Variants in SHISA9 observed in about 807,000 individuals in gnomAD.
The protein encoded by SHISA9 is shisa family member 9.
A neutral mutation model predicts 38.0 loss-of-function variants in SHISA9; 13 were observed. The observed-to-expected ratio is 0.34, with a 90% confidence interval of 0.22 to 0.54. The LOEUF (loss-of-function observed/expected upper bound fraction) is 0.54. SHISA9 is among the 20% of genes least tolerant of loss of function. SHISA9 has a pLI of 0.91. For synonymous variants in SHISA9, 275 were observed against 242.0 expected (o/e 1.14, Z -1.27); for missense variants, 538 against 575.8 (o/e 0.93, Z 0.67).
the SHISA9 span, among the ~76,000 whole-genome samples, chr16:13,327,481 T>G: frequency 1.3e-5 from 2 of 151,862 alleles, no homozygotes; most frequent in Admixed American, 1.3e-4. Flanking sequence ...GTGGCTGTGG[T>G]GTTGTGCACC....
the SHISA9 span, among the ~76,000 whole-genome samples, chr16:13,334,764 A>C: frequency 1.6e-5 from 2 of 126,970 alleles, no homozygotes; most frequent in South Asian, 2.9e-4. Flanking sequence ...ACAGAGCGAG[A>C]CTCCATCTCA....
chr16:13,462,285 C>T, the SHISA9 span, among the ~76,000 whole-genome samples: 1 of 151,832 alleles, frequency 6.6e-6, no homozygotes, highest in Admixed American at 6.6e-5. Flanking sequence ...TAGAGTCAAA[C>T]CACTTATTTA....
At chr16:13,296,447 T>A in the SHISA9 span, among the ~76,000 whole-genome samples, 1 of 151,932 alleles carries the variant, frequency 6.6e-6, no homozygotes, top group Non-Finnish European at 1.5e-5. Context: ...ACAGATCCCT[T>A]CCTCACTGTG....
chr16:13,079,384 A>G (rs1300214104), intron 2 of SHISA9, among the ~76,000 whole-genome samples: 2 of 152,226 alleles, frequency 1.3e-5, no homozygotes, highest in African/African-American at 4.8e-5. Flanking sequence ...CTTACCTATC[A>G]TAAGCTTTTA....
At chr16:13,253,564 A>G in the SHISA9 span, among the ~76,000 whole-genome samples, 1 of 152,234 alleles carries the variant, frequency 6.6e-6, no homozygotes, top group East Asian at 1.9e-4. Flanking sequence ...GGCAGGCAAG[A>G]GAGCTTGTGC....
At chr16:13,442,668 T>C in the SHISA9 span, among the ~76,000 whole-genome samples, 1 of 152,160 alleles carries the variant, frequency 6.6e-6, no homozygotes, top group Non-Finnish European at 1.5e-5. Flanking sequence ...ATGTTACTGT[T>C]GGGGACTAGG....
chr16:13,263,781 A>G, the SHISA9 span, among the ~76,000 whole-genome samples: 1 of 152,178 alleles, frequency 6.6e-6, no homozygotes, highest in Non-Finnish European at 1.5e-5. Flanking sequence ...TAGTATAGTT[A>G]TGTAAGATGC....
At chr16:13,412,240 T>C in the SHISA9 span, among the ~76,000 whole-genome samples, 1 of 152,124 alleles carries the variant, frequency 6.6e-6, no homozygotes, top group African/African-American at 2.4e-5. Context: ...TTCCAGACTG[T>C]CCACAGATGC....
intron 2 of SHISA9, among the ~76,000 whole-genome samples, chr16:13,144,467 C>T (rs1224976304): frequency 6.6e-6 from 1 of 151,928 alleles, no homozygotes; most frequent in Non-Finnish European, 1.5e-5. Flanking sequence ...AGTTCTTGAA[C>T]ATCACCTATC....
chr16:13,359,042 T>C, the SHISA9 span, among the ~76,000 whole-genome samples: 1 of 152,138 alleles, frequency 6.6e-6, no homozygotes, highest in Non-Finnish European at 1.5e-5. Flanking sequence ...AAGAATTTCT[T>C]GATTAGGATG....
At chr16:13,249,432 T>G in the SHISA9 span, among the ~76,000 whole-genome samples, 2 of 152,178 alleles carry the variant, frequency 1.3e-5, no homozygotes, top group Non-Finnish European at 1.5e-5. Flanking sequence ...GTAGATTTGT[T>G]GTAGGTTGAG....
At chr16:13,031,880 A>G (rs1395768713) in intron 2 of SHISA9, among the ~76,000 whole-genome samples, 1 of 152,188 alleles carries the variant, frequency 6.6e-6, no homozygotes, top group Non-Finnish European at 1.5e-5. Context: ...AGAAAACTGC[A>G]CTCAAATAAA....
At chr16:13,283,794 A>G in the SHISA9 span, among the ~76,000 whole-genome samples, 184 of 152,134 alleles carry the variant, frequency 1.2e-3, no homozygotes, top group African/African-American at 3.9e-3. Context: ...TATGTTAATG[A>G]TGTGTTAACA....
chr16:13,037,178 A>G (rs1015558438), intron 2 of SHISA9, among the ~76,000 whole-genome samples: 4 of 151,058 alleles, frequency 2.6e-5, no homozygotes, highest in African/African-American at 9.8e-5. Context: ...AGATTCTGAA[A>G]GCGGAAAGGA....
At chr16:13,038,865 G>A (rs1036474736) in intron 2 of SHISA9, among the ~76,000 whole-genome samples, 1 of 152,162 alleles carries the variant, frequency 6.6e-6, no homozygotes, top group African/African-American at 2.4e-5. Flanking sequence ...TTTGTTGAAT[G>A]ACTCAGTACC....
At position 13,211,170 on chromosome 16, in the gene SHISA9, G is replaced by A. The variant is rs368883986; in HGVS notation, c.848-2083G>A. Among the ~76,000 whole-genome samples the A allele has an allele frequency of 4.1e-4, 63 of 152,080 alleles. 2 individuals carry two copies. The highest frequency in any genetic ancestry group is 1.4e-3 in the African/African-American group (58 of 41,498). On this transcript the variant is annotated intron_variant, in intron 3 of 4. Transcript: ENST00000558583. ...AAATTAGCCAGGTGTGGTGCTGCTC[G>A]CCTATAACCTCACCTACTTGGGAGG... is the stretch of plus-strand genomic sequence containing the variant.
chr16:13,168,302 C>A (rs980884076), intron 2 of SHISA9, among the ~76,000 whole-genome samples: 2 of 152,174 alleles, frequency 1.3e-5, no homozygotes, highest in African/African-American at 2.4e-5. Context: ...ACCTGTAAGT[C>A]CAGTAGCTTA....
At chr16:13,311,747 G>C in the SHISA9 span, among the ~76,000 whole-genome samples, 2 of 152,182 alleles carry the variant, frequency 1.3e-5, no homozygotes, top group Non-Finnish European at 2.9e-5. Context: ...GTGTTATGTG[G>C]CAGGTAGGAA....
At chr16:13,061,635 T>C (rs1041914732) in intron 2 of SHISA9, among the ~76,000 whole-genome samples, 1 of 152,194 alleles carries the variant, frequency 6.6e-6, no homozygotes, top group Admixed American at 6.5e-5. Flanking sequence ...GTGCTGGAGA[T>C]ACAGATGGAC....
Sources: gnomAD v4.1 joint callset for allele counts (sites outside exome capture counted in the v4.1 genomes callset) on GRCh38, gnomAD v4.1.1 for gene constraint, MANE v1.5 for transcripts, NCBI Gene and HGNC (gene_info 2026-07-23, HGNC 2026-07-21) for gene names.